Variants in GALNTL6 observed in about 807,000 individuals in gnomAD.
The protein encoded by GALNTL6 is polypeptide N-acetylgalactosaminyltransferase like 6.
A neutral mutation model predicts 73.7 loss-of-function variants in GALNTL6; 46 were observed. That is an observed-to-expected ratio of 0.62 (90% CI 0.49 to 0.80). GALNTL6 has a LOEUF of 0.80. GALNTL6 is among the 30% of genes least tolerant of loss of function. The pLI is 0.00. For synonymous variants in GALNTL6, 259 were observed against 263.7 expected (o/e 0.98, Z 0.17); for missense variants, 604 against 755.0 (o/e 0.80, Z 2.34).
intron 3 of GALNTL6, among the ~76,000 whole-genome samples, chr4:172,247,120 C>G (rs982101896): frequency 3.9e-5 from 6 of 152,050 alleles, no homozygotes; most frequent in Non-Finnish European, 8.8e-5. Flanking sequence ...AGTCTCTTCT[C>G]TATAAAGTCT....
chr4:172,826,101 G>T (rs761348350), intron 7 of GALNTL6, among the ~76,000 whole-genome samples: 1 of 151,948 alleles, frequency 6.6e-6, no homozygotes, highest in Non-Finnish European at 1.5e-5. Context: ...TGCTTCCACC[G>T]TGAGCAGCAG....
chr4:172,923,372 C>T (rs974753002), intron 8 of GALNTL6, among the ~76,000 whole-genome samples: 10 of 152,110 alleles, frequency 6.6e-5, no homozygotes, highest in Admixed American at 5.9e-4. Flanking sequence ...GTCATGAGAA[C>T]AGCACTGGAA....
chr4:172,275,696 G>A lies in GALNTL6; in HGVS notation c.248-35918G>A, dbSNP rs532524784. On this transcript the variant is annotated intron_variant, in intron 3 of 12. Coordinates refer to ENST00000506823, the MANE Select transcript of GALNTL6 (RefSeq NM_001034845.3). ...TCATTAGCTGGGTGCAGTGGCTCACGCCTGTAATCCCAGCACTTTGGGAGG... is the reference window on the plus strand; with the variant it reads ...TCATTAGCTGGGTGCAGTGGCTCACACCTGTAATCCCAGCACTTTGGGAGG... 5.3e-5 allele frequency among the ~76,000 whole-genome samples: 8 copies of A among 152,264 alleles called. No homozygotes were observed. The South Asian group carries it at 8.3e-4, about 16-fold the overall frequency.
intron 5 of GALNTL6, among the ~76,000 whole-genome samples, chr4:172,458,171 A>G (rs1216027295): frequency 1.3e-5 from 2 of 152,110 alleles, no homozygotes; most frequent in African/African-American, 2.4e-5. Flanking sequence ...TTTGAAACCA[A>G]TGAGAACAAA....
intron 9 of GALNTL6, among the ~76,000 whole-genome samples, chr4:172,934,621 G>A (rs922892635): frequency 5.3e-5 from 8 of 150,672 alleles, no homozygotes; most frequent in South Asian, 2.1e-4. Flanking sequence ...GAGTCAGCTC[G>A]GGGCCTATTG....
chr4:172,770,337 C>G (rs1319160965), intron 5 of GALNTL6, among the ~76,000 whole-genome samples: 3 of 151,582 alleles, frequency 2.0e-5, no homozygotes, highest in African/African-American at 7.3e-5. Context: ...ATAGTTCCTG[C>G]CACATATTAA....
chr4:172,899,680 A>G (rs1451903088), intron 8 of GALNTL6, among the ~76,000 whole-genome samples: 1 of 152,200 alleles, frequency 6.6e-6, no homozygotes, highest in Non-Finnish European at 1.5e-5. Context: ...CGTAGAGTAC[A>G]GTGAAAGCAA....
intron 10 of GALNTL6, among the ~76,000 whole-genome samples, chr4:173,005,805 G>C (rs1413267424): frequency 2.0e-5 from 3 of 152,114 alleles, no homozygotes; most frequent in African/African-American, 4.8e-5. Context: ...CTTTTTGCTG[G>C]AATTTACACA....
intron 5 of GALNTL6, among the ~76,000 whole-genome samples, chr4:172,408,409 C>G (rs1404339837): frequency 1.3e-5 from 2 of 151,492 alleles, no homozygotes; most frequent in Non-Finnish European, 2.9e-5. Context: ...TGAATAAGTC[C>G]CAACCTATAT....
intron 2 of GALNTL6, among the ~76,000 whole-genome samples, chr4:172,105,929 A>T (rs1463483939): frequency 1.3e-5 from 2 of 152,180 alleles, no homozygotes; most frequent in Admixed American, 1.3e-4. Context: ...AAAAATGCTA[A>T]AAGTTTGAAA....
chr4:172,792,333 G>C (rs115168509), intron 5 of GALNTL6, among the ~76,000 whole-genome samples: 8,133 of 62,298 alleles, frequency 0.13, 700 homozygotes, highest in African/African-American at 0.29. Flanking sequence ...ATGCATATAT[G>C]TATATATATA....
At chr4:171,932,937 A>C (rs1041752657) in intron 2 of GALNTL6, among the ~76,000 whole-genome samples, 1 of 152,206 alleles carries the variant, frequency 6.6e-6, no homozygotes, top group African/African-American at 2.4e-5. Flanking sequence ...CCTTGTGCTC[A>C]AAATGTGATC....
At chr4:172,040,062 T>C (rs962886110) in intron 2 of GALNTL6, among the ~76,000 whole-genome samples, 2 of 152,128 alleles carry the variant, frequency 1.3e-5, no homozygotes, top group East Asian at 3.8e-4. Context: ...TTTCATCAAT[T>C]ATAGTGTGCA....
intron 7 of GALNTL6, among the ~76,000 whole-genome samples, chr4:172,839,415 G>T (rs955901975): frequency 6.6e-6 from 1 of 152,170 alleles, no homozygotes; most frequent in Non-Finnish European, 1.5e-5. Context: ...CAAGGAAACT[G>T]ACTAATTTAA....
At chr4:172,560,245 A>G (rs571868414) in intron 5 of GALNTL6, among the ~76,000 whole-genome samples, 71 of 152,254 alleles carry the variant, frequency 4.7e-4, no homozygotes, top group African/African-American at 1.6e-3. Context: ...TAGGAGGTTT[A>G]GGCAAGATCA....
At chr4:172,227,000 C>CT (rs1197050201) in intron 2 of GALNTL6, among the ~76,000 whole-genome samples, 3 of 152,048 alleles carry the variant, frequency 2.0e-5, no homozygotes, top group Non-Finnish European at 4.4e-5. Context: ...GTTTGGTATG[C>CT]TTTTTGTTTC....
intron 7 of GALNTL6, among the ~76,000 whole-genome samples, chr4:172,853,937 T>C (rs1278783942): frequency 6.6e-6 from 1 of 152,166 alleles, no homozygotes; most frequent in African/African-American, 2.4e-5. Context: ...TTTTATGTTT[T>C]TGTTTTATTC....
At chr4:172,978,878 A>C (rs1750949885) in intron 10 of GALNTL6, among the ~76,000 whole-genome samples, 1 of 152,242 alleles carries the variant, frequency 6.6e-6, no homozygotes, top group Admixed American at 6.5e-5. Context: ...ATCTCTGTTT[A>C]AATTTCAGCT....
intron 5 of GALNTL6, among the ~76,000 whole-genome samples, chr4:172,398,717 A>C (rs996589924): frequency 6.6e-6 from 1 of 152,208 alleles, no homozygotes; most frequent in Non-Finnish European, 1.5e-5. Context: ...AACTCTACAA[A>C]TATATTCAAT....
Sources: gnomAD v4.1 joint callset for allele counts (sites outside exome capture counted in the v4.1 genomes callset) on GRCh38, gnomAD v4.1.1 for gene constraint, MANE v1.5 for transcripts, NCBI Gene and HGNC (gene_info 2026-07-23, HGNC 2026-07-21) for gene names.